SLC4A4: variants seen among roughly 807,000 people sequenced by gnomAD.
SLC4A4 encodes solute carrier family 4 member 4.
Under a neutral mutation model 111.5 loss-of-function variants are expected in SLC4A4, and 27 were observed. That is an observed-to-expected ratio of 0.24 (90% CI 0.18 to 0.33). The LOEUF (loss-of-function observed/expected upper bound fraction) is 0.33. SLC4A4 is among the 10% of genes least tolerant of loss of function. The probability of loss-of-function intolerance (pLI) is 1.00; values close to 1 mark genes in which losing one functional copy is unlikely to be tolerated. For synonymous variants in SLC4A4, 443 were observed against 463.4 expected, an observed-to-expected ratio of 0.96 and a Z score of 0.57; for missense variants, 909 against 1,315.5, an observed-to-expected ratio of 0.69 and a Z score of 4.78.
At chr4:71,148,580 GTTGCTTCCTTCT>G (rs1033745115) in intron 2 of SLC4A4, among the ~76,000 whole-genome samples, 2 of 152,002 alleles carry the variant, frequency 1.3e-5, no homozygotes, top group African/African-American at 4.8e-5. Context: ...TCCAGTGTGT[GTTGCTTCCTTCT>G]TTGCATTCAT....
upstream of SLC4A4, among the ~76,000 whole-genome samples, chr4:71,183,912 C>A (rs568347262): frequency 6.6e-6 from 1 of 152,168 alleles, no homozygotes; most frequent in African/African-American, 2.4e-5. Context: ...TCTGTTTAGG[C>A]CCCAATATGA....
chr4:71,446,273 G>T (rs1297381651), intron 8 of SLC4A4, among the ~76,000 whole-genome samples: 1 of 152,106 alleles, frequency 6.6e-6, no homozygotes, highest in Non-Finnish European at 1.5e-5. Flanking sequence ...TTTATTTGAA[G>T]TGAGGGATAT....
chr4:71,551,113 A>G (rs1425121621), intron 20 of SLC4A4, among the ~76,000 whole-genome samples: 1 of 151,902 alleles, frequency 6.6e-6, no homozygotes, highest in Non-Finnish European at 1.5e-5. Context: ...GAGGAGGCTA[A>G]AGAGCATCAA....
chr4:71,340,571 C>T (rs1212551074), intron 4 of SLC4A4, among the ~76,000 whole-genome samples: 1 of 152,140 alleles, frequency 6.6e-6, no homozygotes, highest in African/African-American at 2.4e-5. Context: ...AATGTATCCC[C>T]TGTGAATAAG....
At chr4:71,076,273 G>A (rs555459236) in intron 1 of SLC4A4, among the ~76,000 whole-genome samples, 2 of 152,216 alleles carry the variant, frequency 1.3e-5, no homozygotes, top group South Asian at 4.1e-4. Context: ...ACTTTTGTCT[G>A]TAATCCCAGC....
chr4:71,431,567 T>C (rs1723647508), intron 7 of SLC4A4, among the ~76,000 whole-genome samples: 1 of 152,154 alleles, frequency 6.6e-6, no homozygotes, highest in African/African-American at 2.4e-5. Context: ...GTGGGCATTT[T>C]ATGGTCTTCT....
chr4:71,121,124 C>A (rs913422798), intron 2 of SLC4A4, among the ~76,000 whole-genome samples: 1 of 152,254 alleles, frequency 6.6e-6, no homozygotes, highest in Non-Finnish European at 1.5e-5. Flanking sequence ...GGCTGGCCCG[C>A]CGCACTCGAA....
At chr4:71,471,542 A>G (rs1021538181) in intron 13 of SLC4A4, among the ~76,000 whole-genome samples, 3 of 151,940 alleles carry the variant, frequency 2.0e-5, no homozygotes, top group African/African-American at 4.8e-5. Flanking sequence ...TCAGAAACTC[A>G]TTGTCTAAAA....
At chr4:71,497,009 CAG>C (rs1380391294) in intron 15 of SLC4A4, among the ~76,000 whole-genome samples, 7 of 152,084 alleles carry the variant, frequency 4.6e-5, no homozygotes, top group Admixed American at 6.6e-5. Flanking sequence ...AGAAAAGAAA[CAG>C]AATAGTTGTG....
At chr4:71,272,665 TG>T (rs1226263750) in intron 3 of SLC4A4, among the ~76,000 whole-genome samples, 3 of 152,216 alleles carry the variant, frequency 2.0e-5, no homozygotes, top group Non-Finnish European at 2.9e-5. Flanking sequence ...CCTCGGCATG[TG>T]GTCGAGCTTT....
chr4:71,443,116 C>CTCTCTCTCTCTCTCTATATATATA (rs1198759861), intron 8 of SLC4A4, among the ~76,000 whole-genome samples: 4 of 65,658 alleles, frequency 6.1e-5, no homozygotes, highest in African/African-American at 3.5e-4. Flanking sequence ...CTCTCTCTCT[C>CTCTCTCTCTCTCTCTATATATATA]TATATATATA....
chr4:71,071,605 C>A (rs374593121), intron 1 of SLC4A4, among the ~76,000 whole-genome samples: 1 of 152,184 alleles, frequency 6.6e-6, no homozygotes, highest in South Asian at 2.1e-4. Flanking sequence ...TTGCTACTAG[C>A]GTCTTAAGTT....
intron 1 of SLC4A4, among the ~76,000 whole-genome samples, chr4:71,088,996 A>C (rs532535277): frequency 6.6e-6 from 1 of 152,042 alleles, no homozygotes; most frequent in Non-Finnish European, 1.5e-5. Context: ...ATCCTGCAGA[A>C]TGTTTTCCAA....
chr4:71,534,424 A>G (rs760218882), intron 18 of SLC4A4, 36 bp downstream of exon 18: 8 of 1,602,562 alleles, frequency 5.0e-6, no homozygotes, highest in South Asian at 4.4e-5. Flanking sequence ...ATTGCCTTCT[A>G]CTTTCTTTTT....
intron 15 of SLC4A4, among the ~76,000 whole-genome samples, chr4:71,489,422 TAGTTTCCCATCTGCAACATCGGGATGGTA>T (rs1386315022): frequency 2.6e-5 from 4 of 151,316 alleles, no homozygotes; most frequent in African/African-American, 9.7e-5. Flanking sequence ...GGAACCTTCT[TAGTTTCCCATCTGCAACATCGGGATGGTA>T]ATAGTACTTA....
chr4:71,567,661 A>G lies in SLC4A4; in HGVS notation c.*37-127A>G, dbSNP rs938950495. The G allele has an allele frequency of 9.7e-6, 5 of 514,908 alleles. No individual in the cohort carries two copies. The East Asian group carries it at 1.7e-4, about 18-fold the overall frequency. 31.9% of individuals were successfully genotyped at this position (514,908 alleles called of 1,614,324 possible). ...TTAAAATGTTTGTTTTTAATACACAAAGAGAATATAAATATTAAAAGAGAA... is the reference window on the plus strand; with the variant it reads ...TTAAAATGTTTGTTTTTAATACACAGAGAGAATATAAATATTAAAAGAGAA... On this transcript the variant is annotated intron_variant, in intron 25 of 25. Coordinates refer to ENST00000264485, the MANE Select transcript of SLC4A4 (RefSeq NM_001098484.3).
intron 18 of SLC4A4, among the ~76,000 whole-genome samples, chr4:71,537,831 A>C (rs796814631): frequency 7.9e-5 from 12 of 152,124 alleles, no homozygotes; most frequent in African/African-American, 2.9e-4. Flanking sequence ...CCAAGAGTTC[A>C]GATGGTCATT....
chr4:71,071,066 T>G (rs1741646382), intron 1 of SLC4A4, among the ~76,000 whole-genome samples: 1 of 151,328 alleles, frequency 6.6e-6, no homozygotes, highest in Admixed American at 6.6e-5. Context: ...AGGCAAGGAG[T>G]TGGAGACCAG....
At chr4:71,084,145 T>A (rs1260554518) in intron 1 of SLC4A4, among the ~76,000 whole-genome samples, 2 of 152,044 alleles carry the variant, frequency 1.3e-5, no homozygotes, top group African/African-American at 4.8e-5. Context: ...CAAGATGGAC[T>A]TTTTGATGTG....
Sources: gnomAD v4.1 joint callset for allele counts (sites outside exome capture counted in the v4.1 genomes callset) on GRCh38, gnomAD v4.1.1 for gene constraint, MANE v1.5 for transcripts, NCBI Gene and HGNC (gene_info 2026-07-23, HGNC 2026-07-21) for gene names.